PDE1A: variants seen among roughly 807,000 people sequenced by gnomAD.
The protein encoded by PDE1A is phosphodiesterase 1A, also known as dual specificity calcium/calmodulin-dependent 3',5'-cyclic nucleotide phosphodiesterase 1A.
PDE1A carries 35 observed loss-of-function variants against 61.7 expected under a neutral mutation model. That is an observed-to-expected ratio of 0.57 (90% CI 0.43 to 0.75). PDE1A has a LOEUF of 0.75. Among genes scored for constraint, PDE1A ranks in the 30% least tolerant of loss-of-function variants. The pLI is 0.00. For synonymous variants in PDE1A, 232 were observed against 213.2 expected (o/e 1.09, Z -0.77); for missense variants, 597 against 630.6 (o/e 0.95, Z 0.57).
intron 1 of PDE1A, among the ~76,000 whole-genome samples, chr2:182,285,537 G>T (rs1004485087): frequency 6.6e-6 from 1 of 152,096 alleles, no homozygotes; most frequent in Non-Finnish European, 1.5e-5. Context: ...AGGAAGGGAA[G>T]TTGAGAAAAA....
At chr2:182,525,476 A>C (rs1417717694), upstream of PDE1A, among the ~76,000 whole-genome samples, 17 of 152,136 alleles carry the variant, frequency 1.1e-4, no homozygotes. Flanking sequence ...TCTCATGTTA[A>C]AATATAAGCC....
chr2:182,699,172 G>T, the PDE1A span, among the ~76,000 whole-genome samples: 1 of 152,258 alleles, frequency 6.6e-6, no homozygotes, highest in Admixed American at 6.5e-5. Context: ...ACTCCATGAA[G>T]GAAACCAGGG....
chr2:182,686,714 G>A, the PDE1A span, among the ~76,000 whole-genome samples: 51 of 152,336 alleles, frequency 3.3e-4, no homozygotes, highest in South Asian at 0.011. Context: ...CCGAGCATGA[G>A]CCAAAGCAGG....
upstream of PDE1A, among the ~76,000 whole-genome samples, chr2:182,523,475 A>G (rs1227066369): frequency 6.6e-6 from 1 of 152,210 alleles, no homozygotes; most frequent in Non-Finnish European, 1.5e-5. Flanking sequence ...TATGAGCACC[A>G]TAACAGCTCT....
chr2:182,481,308 A>T (rs1370859780), intron 2 of PDE1A, among the ~76,000 whole-genome samples: 1 of 151,898 alleles, frequency 6.6e-6, no homozygotes, highest in Non-Finnish European at 1.5e-5. Flanking sequence ...GTTAAAATAC[A>T]ATAGCATTTA....
chr2:182,431,380 T>C (rs1299093601), upstream of PDE1A, among the ~76,000 whole-genome samples: 3 of 152,270 alleles, frequency 2.0e-5, no homozygotes, highest in African/African-American at 7.2e-5. Context: ...CAAACACTAC[T>C]ATAATTTTCA....
intron 10 of PDE1A, among the ~76,000 whole-genome samples, chr2:182,190,793 T>A (rs1004200657): frequency 1.8e-4 from 28 of 151,954 alleles, no homozygotes; most frequent in African/African-American, 6.8e-4. Context: ...CCGTCTCTAC[T>A]ATAAATACAA....
At chr2:182,365,545 T>C (rs1270476198) in intron 1 of PDE1A, among the ~76,000 whole-genome samples, 1 of 152,008 alleles carries the variant, frequency 6.6e-6, no homozygotes, top group Non-Finnish European at 1.5e-5. Flanking sequence ...CAGCAATGCC[T>C]ATCCCCAAGT....
intron 1 of PDE1A, among the ~76,000 whole-genome samples, chr2:182,346,987 G>C (rs757564042): frequency 6.6e-6 from 1 of 152,126 alleles, no homozygotes; most frequent in African/African-American, 2.4e-5. Flanking sequence ...TAAAGAAGTA[G>C]ACTATTAAGA....
intron 11 of PDE1A, among the ~76,000 whole-genome samples, chr2:182,187,973 T>C (rs1476517251): frequency 2.0e-5 from 3 of 150,604 alleles, no homozygotes; most frequent in South Asian, 2.1e-4. Context: ...CTTGATCTCC[T>C]GACCCGAGAT....
At chr2:182,635,117 G>T in the PDE1A span, among the ~76,000 whole-genome samples, 5 of 100,802 alleles carry the variant, frequency 5.0e-5, no homozygotes, top group African/African-American at 6.6e-5. Flanking sequence ...TAGCCACATT[G>T]TAAATGGAAA....
chr2:182,404,393 T>C (rs1702188040), intron 1 of PDE1A, among the ~76,000 whole-genome samples: 1 of 152,254 alleles, frequency 6.6e-6, no homozygotes, highest in Non-Finnish European at 1.5e-5. Context: ...TACTGTACAC[T>C]ACTGGACACT....
At chr2:182,674,035 A>T in the PDE1A span, among the ~76,000 whole-genome samples, 1 of 146,842 alleles carries the variant, frequency 6.8e-6, no homozygotes, top group African/African-American at 2.6e-5. Context: ...AATTGATTTA[A>T]GCCTAATGGT....
the PDE1A span, among the ~76,000 whole-genome samples, chr2:182,694,431 A>T: frequency 2.6e-5 from 4 of 152,210 alleles, no homozygotes; most frequent in East Asian, 7.7e-4. Flanking sequence ...CTTGAGAAAC[A>T]CTGAGCATCG....
At chr2:182,374,567 T>G (rs975020119) in intron 1 of PDE1A, among the ~76,000 whole-genome samples, 1 of 152,034 alleles carries the variant, frequency 6.6e-6, no homozygotes, top group East Asian at 1.9e-4. Context: ...GAAGAAAAAA[T>G]TCATCAGACA....
At chr2:182,185,399 C>G (rs751599384) in intron 13 of PDE1A, among the ~76,000 whole-genome samples, 1 of 152,148 alleles carries the variant, frequency 6.6e-6, no homozygotes, top group Non-Finnish European at 1.5e-5. Flanking sequence ...CCTTCCCATG[C>G]GATTGCTGTG....
At chr2:182,145,255 T>G (rs1690433801), downstream of PDE1A, among the ~76,000 whole-genome samples, 1 of 152,020 alleles carries the variant, frequency 6.6e-6, no homozygotes, top group African/African-American at 2.4e-5. Context: ...AGTGAACATA[T>G]AAAATTTATA....
At chr2:182,174,421 C>T (rs1318248912) in intron 13 of PDE1A, among the ~76,000 whole-genome samples, 1 of 152,014 alleles carries the variant, frequency 6.6e-6, no homozygotes, top group Non-Finnish European at 1.5e-5. Flanking sequence ...TGCTCTGAAA[C>T]CGAAAGGAAG....
At position 182,522,536 on chromosome 2, in the gene PDE1A, A is replaced by G. The variant is rs538397496; in HGVS notation, c.-11+129T>C. On this transcript the variant is annotated intron_variant, in intron 1 of 14. Coordinates refer to the PDE1A transcript ENST00000410103. Reference sequence around the variant, plus strand: ...GAGGGAAGACTCTGACAGATTTGCTATTGACTTTGACAGGCATATATCCAC... The same window carrying G: ...GAGGGAAGACTCTGACAGATTTGCTGTTGACTTTGACAGGCATATATCCAC... 16 of 1,442,614 alleles carry G rather than the reference A, an allele frequency of 1.1e-5. No homozygotes were observed. The African/African-American group carries it at 2.0e-4, about 18-fold the overall frequency. 89.4% of individuals were successfully genotyped at this position (1,442,614 alleles called of 1,614,324 possible). A position where few individuals can be genotyped will look rare whatever the true frequency, so the allele number is the denominator to read the frequency against.
Sources: allele counts gnomAD v4.1 joint callset (sites outside exome capture counted in the v4.1 genomes callset), GRCh38; gene constraint gnomAD v4.1.1; transcripts MANE v1.5; gene names NCBI Gene and HGNC (gene_info 2026-07-23, HGNC 2026-07-21).